MYBPH: variants seen among roughly 807,000 people sequenced by gnomAD.
MYBPH encodes myosin-binding protein H.
A neutral mutation model predicts 53.6 loss-of-function variants in MYBPH; 49 were observed. That is an observed-to-expected ratio of 0.91 (90% CI 0.73 to 1.16). MYBPH has a LOEUF of 1.16. Among genes scored for constraint, MYBPH ranks in the 50% most tolerant of loss-of-function variants. The pLI is 0.00. For missense variants in MYBPH, 558 were observed against 624.1 expected, an observed-to-expected ratio of 0.89 and a Z score of 1.13; for synonymous variants, 239 against 249.6, an observed-to-expected ratio of 0.96 and a Z score of 0.40.
rs752723613 is a variant in MYBPH, at chr1:203,171,344, G to C, written c.793+39C>G. 4 of 1,587,222 alleles carry C rather than the reference G, an allele frequency of 2.5e-6. No individual in the cohort carries two copies. The highest frequency in any genetic ancestry group is 3.4e-6 in the Non-Finnish European group (4 of 1,163,678). ...CTGGGATAGGAGGTTGGGGGCTCCA[G>C]GTCCCCCATGAGACAGCACTGTTCC... On this transcript the variant is annotated intron_variant, in intron 5 of 10. Coordinates refer to ENST00000255416, the MANE Select transcript of MYBPH (RefSeq NM_004997.3). The surrounding 1 kb of genome is among the most constrained non-coding windows in gnomAD (Gnocchi z 4.2).
intron 6 of MYBPH, 100 bp downstream of exon 6, chr1:203,170,961 C>T: frequency 1.4e-6 from 2 of 1,467,920 alleles, no homozygotes; most frequent in Non-Finnish European, 1.8e-6. Flanking sequence ...CAGACCAGAA[C>T]TCGATCCCTA....
In MYBPH at chr1:203,168,184, C is replaced by T. The variant is rs930045306; in HGVS notation, c.*33-93G>A. 1.7e-5 allele frequency: 4 copies of T among 234,202 alleles called. No individual in the cohort carries two copies. In the East Asian group the frequency reaches 5.4e-4, roughly 32 times the overall value. 14.5% of individuals were successfully genotyped at this position (234,202 alleles called of 1,614,324 possible). A position where few individuals can be genotyped will look rare whatever the true frequency, so the allele number is the denominator to read the frequency against. ...GAGTGGGGAGGGGGAGCAGCATCCT[C>T]TTCCTCACCAGGCCTCCCTCCCTCA... On this transcript the variant is annotated intron_variant, in intron 10 of 10. Transcript: ENST00000255416.
chr1:203,176,076 A>G (rs1655803657), upstream of MYBPH, among the ~76,000 whole-genome samples: 1 of 152,104 alleles, frequency 6.6e-6, no homozygotes, highest in African/African-American at 2.4e-5. Context: ...GTGAGATGGG[A>G]CATCGAGCAG....
chr1:203,175,188 G>A, intron 2 of MYBPH, 139 bp downstream of exon 2: 3 of 1,053,442 alleles, frequency 2.8e-6, no homozygotes. Flanking sequence ...GCAGGTGGGT[G>A]GGTTGAGGAG....
At chr1:203,177,494 C>T (rs1374991843), upstream of MYBPH, among the ~76,000 whole-genome samples, 1 of 152,244 alleles carries the variant, frequency 6.6e-6, no homozygotes, top group African/African-American at 2.4e-5. Context: ...GCCTCTCAAC[C>T]CTGCTGTCTC....
upstream of MYBPH, among the ~76,000 whole-genome samples, chr1:203,177,258 T>C (rs7538338): frequency 0.044 from 6,670 of 152,290 alleles, 484 homozygotes; most frequent in African/African-American, 0.15. Context: ...TCTGTGATCG[T>C]GAGGGCTGCA....
At position 203,171,433 on chromosome 1, in the gene MYBPH, A is replaced by G. The variant is rs937243437; in HGVS notation, c.743T>C (p.Val248Ala). 4 of 1,613,906 alleles carry G rather than the reference A, an allele frequency of 2.5e-6. No homozygotes were observed. The African/African-American group carries it at 4.0e-5, about 16-fold the overall frequency. The change falls in exon 5 of 11, where the codon GTG becomes GCG. Residue 248 changes from valine (V) to alanine (A), a missense_variant. Coordinates refer to ENST00000255416, the MANE Select transcript of MYBPH (RefSeq NM_004997.3). This position sits in a 1 kb window ranked among gnomAD's most constrained non-coding sequence, Gnocchi z 4.2. ...CTTGGCCTCCAGGTCTTCCACGCGC[A>G]CAGTGAGCTCGTAGCGGCCAGAGTC... ...RSDSGRYELT[V>A]RVEDLEAKAV...
At chr1:203,172,380 C>T (rs1044136277) in intron 3 of MYBPH, among the ~76,000 whole-genome samples, 1 of 152,156 alleles carries the variant, frequency 6.6e-6, no homozygotes, top group Non-Finnish European at 1.5e-5. Flanking sequence ...CCCCAGCTGA[C>T]TCTCTGTCTC....
Position 203,175,581 on chromosome 1 carries a change from T to C in MYBPH, c.175A>G (p.Thr59Ala). ...APAPQAPTASTATKPAPPSED... is the reference protein window; with the variant it reads ...APAPQAPTASAATKPAPPSED... Reference sequence around the variant, plus strand: ...CTTGGGGGTGCAGGCTTAGTGGCTGTGGAGGCTGTAGGGGCCTGTGGGGCA... The same window carrying C: ...CTTGGGGGTGCAGGCTTAGTGGCTGCGGAGGCTGTAGGGGCCTGTGGGGCA... The change falls in exon 1 of 11, where the codon ACA (threonine) becomes GCA (alanine). Residue 59 changes from threonine to alanine, a missense_variant. By Grantham distance (58) the Thr-to-Ala change is moderately conservative. Coordinates refer to ENST00000255416, the MANE Select transcript of MYBPH (RefSeq NM_004997.3). 1 of 1,612,786 alleles carries C rather than the reference T, an allele frequency of 6.2e-7. No individual in the cohort carries two copies. The highest frequency in any genetic ancestry group is 1.1e-5 in the South Asian group (1 of 91,068).
Position 203,171,581 on chromosome 1 carries a change from G to C in MYBPH, c.598-3C>G. On this transcript the variant is annotated splice_polypyrimidine_tract_variant and splice_region_variant and intron_variant, in intron 4 of 10. Coordinates refer to ENST00000255416, the MANE Select transcript of MYBPH (RefSeq NM_004997.3). This position sits in a 1 kb window ranked among gnomAD's most constrained non-coding sequence, Gnocchi z 4.2. ...GTGGCCTGAGGCTTAGGCTTCCCCT[G>C]GCAGGGAGGAGCCCCCAGGGTGAGT... The C allele has an allele frequency of 6.2e-7, 1 of 1,609,952 alleles. No individual in the cohort carries two copies.
upstream of MYBPH, among the ~76,000 whole-genome samples, chr1:203,176,976 T>C (rs573086547): frequency 6.6e-6 from 1 of 152,306 alleles, no homozygotes; most frequent in Non-Finnish European, 1.5e-5. Context: ...AACAGTGGGA[T>C]GGATAAATAA....
intron 3 of MYBPH, chr1:203,174,213 C>T (rs1655753978): frequency 4.1e-6 from 3 of 734,020 alleles, no homozygotes; most frequent in South Asian, 1.2e-4. Context: ...GGGGCTGGAC[C>T]ACTCAGGGAA....
At chr1:203,170,165 G>T in intron 7 of MYBPH, 126 bp downstream of exon 7, 2 of 1,180,246 alleles carry the variant, frequency 1.7e-6, no homozygotes, top group Non-Finnish European at 2.4e-6. Flanking sequence ...GCCGTGGAGT[G>T]AGGAGACGGC....
In MYBPH at chr1:203,171,040, C is replaced by T. The variant is rs201518409; in HGVS notation, c.933+21G>A. The T allele has an allele frequency of 1.3e-6, 2 of 1,563,880 alleles. No homozygotes were observed. Among genetic ancestry groups the T allele is most frequent in the Non-Finnish European group, 1.7e-6 (2 of 1,156,482 alleles). ...TTGACCACTTCGTACCCCGACCCCA[C>T]TTTGCCTCAGCCAGCCTCACCCCTG... On this transcript the variant is annotated intron_variant, in intron 6 of 10. Coordinates refer to ENST00000255416, the MANE Select transcript of MYBPH (RefSeq NM_004997.3). This position sits in a 1 kb window ranked among gnomAD's most constrained non-coding sequence, Gnocchi z 4.2.
chr1:203,174,580 C>A lies in MYBPH; in HGVS notation c.358G>T (p.Val120Leu), dbSNP rs773625404. The change falls in exon 3 of 11, where the codon GTG becomes TTG. Residue 120 changes from valine (V) to leucine (L), a missense_variant. Coordinates refer to ENST00000255416, the MANE Select transcript of MYBPH (RefSeq NM_004997.3). ...CREGASEWVP[V>L]SARPMMVTQQ... ...GTCACCATCATGGGCCGGGCACTCA[C>A]AGGCACCCACTCCGAGGCTGAGGGG... The A allele has an allele frequency of 8.1e-6, 13 of 1,605,162 alleles. No homozygotes were observed. Among genetic ancestry groups the A allele is most frequent in the Non-Finnish European group, 1.0e-5 (12 of 1,172,880 alleles).
intron 7 of MYBPH, among the ~76,000 whole-genome samples, 176 bp downstream of exon 7, chr1:203,170,115 A>G (rs1655666280): frequency 6.6e-6 from 1 of 152,244 alleles, no homozygotes; most frequent in South Asian, 2.1e-4. Context: ...AGCCAACCAC[A>G]TTCACTACTT....
chr1:203,172,674 A>G (rs1295841500), intron 3 of MYBPH, among the ~76,000 whole-genome samples: 3 of 152,140 alleles, frequency 2.0e-5, no homozygotes, highest in Non-Finnish European at 1.5e-5. Context: ...TTGAAGTCCT[A>G]TTTCAGCTGC....
upstream of MYBPH, among the ~76,000 whole-genome samples, chr1:203,176,166 G>C (rs568072082): frequency 5.4e-4 from 83 of 152,322 alleles, no homozygotes; most frequent in African/African-American, 1.9e-3. Flanking sequence ...TGTGTGTCTG[G>C]CGTCTATGGG....
At position 203,170,829 on chromosome 1, in the gene MYBPH, C is replaced by T. The variant is rs185505935; in HGVS notation, c.933+232G>A. 6.6e-5 allele frequency among the ~76,000 whole-genome samples: 10 copies of T among 152,336 alleles called. No individual in the cohort carries two copies. In the East Asian group the frequency reaches 1.3e-3, roughly 21 times the overall value. ...ACATTAAGATTTGAGAAGCATGGCT[C>T]CAGAACTTGAAAGGCTTCAGACAGC... On this transcript the variant is annotated intron_variant, in intron 6 of 10. Coordinates refer to ENST00000255416, the MANE Select transcript of MYBPH (RefSeq NM_004997.3).
Sources: gnomAD v4.1 joint callset for allele counts (sites outside exome capture counted in the v4.1 genomes callset) on GRCh38, gnomAD v4.1.1 for gene constraint, Gnocchi (gnomAD v3.1) non-coding constraint, MANE v1.5 for transcripts, NCBI Gene and HGNC (gene_info 2026-07-23, HGNC 2026-07-21) for gene names.